The following ZDHHC13 variants were observed in gnomAD, a reference collection of about 807,000 sequenced individuals.
The protein encoded by ZDHHC13 is palmitoyltransferase ZDHHC13.
A neutral mutation model predicts 86.0 loss-of-function variants in ZDHHC13; 85 were observed. That is an observed-to-expected ratio of 0.99 (90% confidence interval 0.83 to 1.18). The LOEUF (loss-of-function observed/expected upper bound fraction) is 1.18, where lower values mean the gene tolerates loss of function less well. ZDHHC13 is among the 50% of genes most tolerant of loss of function. The pLI is 0.00. For missense variants in ZDHHC13, 711 were observed against 730.2 expected (o/e 0.97, Z 0.30); for synonymous variants, 263 against 246.4 (o/e 1.07, Z -0.63).
chr11:19,137,413 A>G (rs992847170), intron 1 of ZDHHC13, among the ~76,000 whole-genome samples: 9 of 152,146 alleles, frequency 5.9e-5, no homozygotes, highest in Non-Finnish European at 1.2e-4. Flanking sequence ...CCAGATTCAT[A>G]AAGCAAGTCC....
At position 19,142,283 on chromosome 11, in the gene ZDHHC13, T is replaced by C. The variant is rs75984978; in HGVS notation, c.28-695T>C. On this transcript the variant is annotated intron_variant, in intron 1 of 16. Coordinates refer to ENST00000446113, the MANE Select transcript of ZDHHC13 (RefSeq NM_019028.3). ...TGCCCACAGTTCCTTGTTATGTGGC[T>C]CTCTCACAGGCCCTCGCATATCATG... Among the ~76,000 whole-genome samples the C allele has an allele frequency of 6.8e-3, 1,036 of 152,286 alleles. 9 individuals are homozygous for C. Among genetic ancestry groups the C allele is most frequent in the African/African-American group, 0.024 (978 of 41,546 alleles).
At chr11:19,118,360 G>C (rs944827830) in intron 1 of ZDHHC13, among the ~76,000 whole-genome samples, 1 of 152,182 alleles carries the variant, frequency 6.6e-6, no homozygotes, top group Non-Finnish European at 1.5e-5. Flanking sequence ...AAGATGTCTG[G>C]GGAAATGTCA....
At chr11:19,127,256 A>G (rs1162874763) in intron 1 of ZDHHC13, among the ~76,000 whole-genome samples, 1 of 152,110 alleles carries the variant, frequency 6.6e-6, no homozygotes, top group East Asian at 1.9e-4. Flanking sequence ...TATGTCTTCT[A>G]TTGAAAAGTG....
intron 1 of ZDHHC13, among the ~76,000 whole-genome samples, 187 bp from the exon 2 acceptor site, chr11:19,142,791 A>G (rs1464887259): frequency 1.3e-5 from 2 of 151,654 alleles, no homozygotes; most frequent in East Asian, 1.9e-4. Context: ...CTGGAATGCA[A>G]TGGTGTGATC....
chr11:19,148,096 G>A (rs1166840610), intron 4 of ZDHHC13, among the ~76,000 whole-genome samples: 1 of 152,088 alleles, frequency 6.6e-6, no homozygotes, highest in Non-Finnish European at 1.5e-5. Context: ...TCTTTTAAAA[G>A]TTGTTGCAGG....
chr11:19,126,172 T>C (rs546653022), intron 1 of ZDHHC13, among the ~76,000 whole-genome samples: 2 of 152,210 alleles, frequency 1.3e-5, no homozygotes, highest in South Asian at 4.1e-4. Flanking sequence ...AGGTTTGTTA[T>C]ATACACAAAC....
At chr11:19,143,184 T>A (rs953680803) in intron 2 of ZDHHC13, 61 bp downstream of exon 2, 2 of 1,516,872 alleles carry the variant, frequency 1.3e-6, no homozygotes, top group Admixed American at 4.0e-5. Flanking sequence ...GTAATATATG[T>A]GTAGTTCATG....
intron 1 of ZDHHC13, among the ~76,000 whole-genome samples, chr11:19,119,461 G>C (rs998214970): frequency 6.6e-6 from 1 of 152,196 alleles, no homozygotes; most frequent in Non-Finnish European, 1.5e-5. Flanking sequence ...ACCAGCCTCA[G>C]AGTCTTTCAT....
intron 1 of ZDHHC13, among the ~76,000 whole-genome samples, chr11:19,131,313 CT>C (rs1399146546): frequency 6.6e-6 from 1 of 152,132 alleles, no homozygotes; most frequent in Non-Finnish European, 1.5e-5. Flanking sequence ...CTCTTTATTA[CT>C]GATTTTTAGT....
chr11:19,138,087 C>A (rs1256060581), intron 1 of ZDHHC13, among the ~76,000 whole-genome samples: 2 of 151,464 alleles, frequency 1.3e-5, no homozygotes, highest in East Asian at 1.9e-4. Flanking sequence ...GAAATAGAGA[C>A]ACAAAAAAAC....
chr11:19,144,432 A>AGAGTGTGTGTGTGTGT (rs377410572), intron 2 of ZDHHC13, among the ~76,000 whole-genome samples: 69 of 143,172 alleles, frequency 4.8e-4, no homozygotes, highest in African/African-American at 1.7e-3. Context: ...AGAGCTATGG[A>AGAGTGTGTGTGTGTGT]GTGTGTGTGT....
rs955654346 is a variant in ZDHHC13 at position 19,164,204 on chromosome 11, C to T, written c.1234-97C>T. The T allele has an allele frequency of 2.1e-5, 27 of 1,259,428 alleles. No individual in the cohort carries two copies. In the Admixed American group the frequency reaches 5.3e-4, roughly 25 times the overall value. The allele number at this position is 1,259,428 out of a possible 1,614,324, so 78.0% of individuals were successfully genotyped here. ...GTATTCCAAATTGCTTTTCTAACTACTTCAGTTTGGAGCGAGAACTGTGAG... is the reference window on the plus strand; with the variant it reads ...GTATTCCAAATTGCTTTTCTAACTATTTCAGTTTGGAGCGAGAACTGTGAG... On this transcript the variant is annotated intron_variant, in intron 11 of 16. Coordinates refer to ENST00000446113, the MANE Select transcript of ZDHHC13 (RefSeq NM_019028.3).
intron 6 of ZDHHC13, among the ~76,000 whole-genome samples, chr11:19,151,132 G>A (rs1008154706): frequency 1.3e-5 from 2 of 151,922 alleles, no homozygotes; most frequent in African/African-American, 4.8e-5. Context: ...AATTTTAAAT[G>A]TTCTCATAAT....
chr11:19,171,338 A>G (rs963621651), intron 15 of ZDHHC13, among the ~76,000 whole-genome samples: 4 of 152,188 alleles, frequency 2.6e-5, no homozygotes, highest in African/African-American at 9.7e-5. Flanking sequence ...AGTCTGAATC[A>G]ATTACTGTAA....
rs1027145805 is a variant in ZDHHC13, at chr11:19,164,852, T to C, written c.1297-200T>C. ...GTGTGAACAGGCTCTGGAATTCAGATCCCACTTAGTGATGTCCTAATCAAA... is the reference window on the plus strand; with the variant it reads ...GTGTGAACAGGCTCTGGAATTCAGACCCCACTTAGTGATGTCCTAATCAAA... On this transcript the variant is annotated intron_variant, in intron 12 of 16. Transcript: ENST00000446113. The C allele has an allele frequency of 2.3e-5, 13 of 560,058 alleles. No individual in the cohort carries two copies. The Admixed American group carries it at 3.8e-4, about 16-fold the overall frequency. 34.7% of individuals were successfully genotyped at this position (560,058 alleles called of 1,614,324 possible).
Position 19,170,489 on chromosome 11 carries a change from C to G in ZDHHC13, c.1553C>G (p.Pro518Arg). The change falls in exon 15 of 17, where the codon CCT (proline) becomes CGT (arginine). Residue 518 changes from proline (P) to arginine (R), a missense_variant. Pro to Arg is a moderately radical substitution (Grantham distance 103). Coordinates refer to ENST00000446113, the MANE Select transcript of ZDHHC13 (RefSeq NM_019028.3). ...TYLNQIVACS[P>R]WVLYILMLAT... ...CTCAATCAGATTGTGGCCTGTTCCC[C>G]TTGGGTTTTATATATCTTGATGCTA... is the stretch of plus-strand genomic sequence containing the variant. 1 of 1,536,102 alleles carries G rather than the reference C, an allele frequency of 6.5e-7. No homozygotes were observed. Among genetic ancestry groups the G allele is most frequent in the Non-Finnish European group, 8.8e-7 (1 of 1,142,788 alleles).
At chr11:19,124,033 T>C (rs1197362659) in intron 1 of ZDHHC13, among the ~76,000 whole-genome samples, 1 of 152,168 alleles carries the variant, frequency 6.6e-6, no homozygotes, top group Non-Finnish European at 1.5e-5. Context: ...AGTCCTACTT[T>C]GAGGAATCAA....
chr11:19,140,937 G>C, intron 1 of ZDHHC13, among the ~76,000 whole-genome samples: 1 of 114,416 alleles, frequency 8.7e-6, no homozygotes, highest in South Asian at 3.4e-4. Flanking sequence ...GAGGGGGGAG[G>C]GATAGCATTG....
intron 10 of ZDHHC13, among the ~76,000 whole-genome samples, chr11:19,160,568 AAC>A (rs1237857656): frequency 6.6e-6 from 1 of 151,998 alleles, no homozygotes; most frequent in African/African-American, 2.4e-5. Flanking sequence ...AGTGGAATAA[AAC>A]AGTTTTAAAA....
Sources: allele counts gnomAD v4.1 joint callset (sites outside exome capture counted in the v4.1 genomes callset), GRCh38; gene constraint gnomAD v4.1.1; transcripts MANE v1.5; gene names NCBI Gene and HGNC (gene_info 2026-07-23, HGNC 2026-07-21).